PSG9: variants seen among roughly 807,000 people sequenced by gnomAD.
PSG9 encodes pregnancy-specific beta-1-glycoprotein 9.
PSG9 carries 49 observed loss-of-function variants against 41.9 expected under a neutral mutation model. The ratio of observed to expected loss-of-function variants is 1.17; its 90% CI spans 0.93 to 1.48. PSG9 has a LOEUF of 1.48. Among genes scored for constraint, PSG9 ranks in the 40% most tolerant of loss-of-function variants. PSG9 has a pLI of 0.00. For synonymous variants in PSG9, 263 were observed against 196.8 expected (o/e 1.34, Z -2.82); for missense variants, 641 against 520.3 (o/e 1.23, Z -2.26).
At chr19:43,259,488 T>G (rs1290348841) in intron 3 of PSG9, 5 of 295,544 alleles carry the variant, frequency 1.7e-5, no homozygotes, top group Non-Finnish European at 3.0e-5. Flanking sequence ...AATGTGCAAC[T>G]GCTGGGCCCC....
chr19:43,258,491 A>G, intron 4 of PSG9, 35 bp from the exon 5 acceptor site: 1 of 1,529,684 alleles, frequency 6.5e-7, no homozygotes. Context: ...ACGTGATGTC[A>G]TTCGAGGGAA....
intron 2 of PSG9, among the ~76,000 whole-genome samples, chr19:43,266,566 G>T (rs768558723): frequency 1.3e-5 from 2 of 151,926 alleles, no homozygotes; most frequent in Admixed American, 6.6e-5. Context: ...CAGTGATGGG[G>T]GTTAAGATCT....
intron 4 of PSG9, 77 bp downstream of exon 4, chr19:43,258,780 G>C: frequency 6.4e-7 from 1 of 1,552,500 alleles, no homozygotes; most frequent in African/African-American, 1.4e-5. Context: ...GGACCGGAGA[G>C]AGACTGAGAG....
At chr19:43,254,984 G>C (rs2122494696) in intron 5 of PSG9, among the ~76,000 whole-genome samples, 1 of 144,158 alleles carries the variant, frequency 6.9e-6, no homozygotes, top group South Asian at 2.2e-4. Flanking sequence ...CTAGCATCTT[G>C]GGAGGCTGAA....
At chr19:43,267,301 G>T (rs1599841346) in intron 2 of PSG9, among the ~76,000 whole-genome samples, 1 of 152,094 alleles carries the variant, frequency 6.6e-6, no homozygotes. Context: ...GTAAATTCTT[G>T]GTCCCAGTAA....
In PSG9 at chr19:43,257,130, T is replaced by C. The variant is rs1033761912; in HGVS notation, c.1243+1072A>G. 2.0e-5 allele frequency: 3 copies of C among 148,070 alleles called. 1 individual carries two copies. The highest frequency in any genetic ancestry group is 7.8e-5 in the African/African-American group (3 of 38,674). The allele number at this position is 148,070 out of a possible 1,614,324, so 9.2% of individuals were successfully genotyped here. A position where few individuals can be genotyped will look rare whatever the true frequency, so the allele number is the denominator to read the frequency against. ...GATAATTATTATGTAATTCCATTTA[T>C]AAAAGATAGTTAGAATAGCCAGTTA... On this transcript the variant is annotated intron_variant, in intron 5 of 5. Coordinates refer to ENST00000270077, the MANE Select transcript of PSG9 (RefSeq NM_002784.5).
In PSG9 at chr19:43,259,101, G is replaced by C. The variant is rs1476259630; in HGVS notation, c.744C>G (p.Asn248Lys). The change falls in exon 4 of 6, where the codon AAC becomes AAG. Residue 248 changes from asparagine (N) to lysine (K), a missense_variant. Coordinates refer to ENST00000270077, the MANE Select transcript of PSG9 (RefSeq NM_002784.5). ...CATCCTTATTCTCCCTGGGGTTTAA[G>C]TTGTTGATGGTGATGTAGGGGATGG... is the stretch of plus-strand genomic sequence containing the variant. ...KLPIPYITIN[N>K]LNPRENKDVL... The C allele has an allele frequency of 1.3e-6, 2 of 1,590,716 alleles. No homozygotes were observed. Among genetic ancestry groups the C allele is most frequent in the Admixed American group, 1.7e-5 (1 of 58,636 alleles).
intron 3 of PSG9, among the ~76,000 whole-genome samples, chr19:43,261,103 T>A (rs1968690382): frequency 1.3e-5 from 2 of 152,012 alleles, no homozygotes; most frequent in African/African-American, 4.8e-5. Flanking sequence ...TATCCAGGGT[T>A]TTTTATTTTC....
intron 5 of PSG9, among the ~76,000 whole-genome samples, chr19:43,254,061 G>T (rs564585320): frequency 2.1e-5 from 3 of 144,530 alleles, no homozygotes; most frequent in Admixed American, 1.4e-4. Context: ...TCTCCCACAA[G>T]TAGTCAGTAA....
At chr19:43,265,086 G>C (rs1568418681) in intron 2 of PSG9, among the ~76,000 whole-genome samples, 4 of 148,008 alleles carry the variant, frequency 2.7e-5, no homozygotes, top group African/African-American at 1.0e-4. Flanking sequence ...CTCATTCCTG[G>C]ACATAGGTCA....
Position 43,258,876 on chromosome 19 carries a change from T to G in PSG9, c.969A>C (p.Pro323=). 1 of 1,584,312 alleles carries G rather than the reference T, an allele frequency of 6.3e-7. No individual in the cohort carries two copies. Among genetic ancestry groups the G allele is most frequent in the Non-Finnish European group, 8.5e-7 (1 of 1,169,876 alleles). ...RDRYGGLRSN[P]VILNVLYGPD... ...ACTCACAGAGGACATTTAGGATGAC[T>G]GGGTTACTGCGGAGGCCACCATATC... Residue 323 remains proline (P), a synonymous_variant, in exon 4 of 6, where the codon CCA becomes CCC. Coordinates refer to ENST00000270077, the MANE Select transcript of PSG9 (RefSeq NM_002784.5).
At chr19:43,254,446 G>T (rs537634599) in intron 5 of PSG9, among the ~76,000 whole-genome samples, 29 of 146,406 alleles carry the variant, frequency 2.0e-4, no homozygotes, top group Admixed American at 7.5e-4. Context: ...TAAGAAGAAA[G>T]TACTCTCATT....
chr19:43,260,098 C>T lies in PSG9; in HGVS notation c.710-963G>A, dbSNP rs561792593. 6.8e-5 allele frequency: 10 copies of T among 146,200 alleles called. 3 individuals are homozygous for T. In the East Asian group the frequency reaches 2.4e-3, roughly 35 times the overall value. The allele number at this position is 146,200 out of a possible 1,614,324, so 9.1% of individuals were successfully genotyped here. A position where few individuals can be genotyped will look rare whatever the true frequency, so the allele number is the denominator to read the frequency against. Reference sequence around the variant, plus strand: ...TCATTGGACATTCTACTCTCTGATCCCCTGGGTTCGACTACTCTAGGGACC... The same window carrying T: ...TCATTGGACATTCTACTCTCTGATCTCCTGGGTTCGACTACTCTAGGGACC... On this transcript the variant is annotated intron_variant, in intron 3 of 5. Transcript: ENST00000270077.
At chr19:43,261,352 C>T (rs1968700560) in intron 3 of PSG9, among the ~76,000 whole-genome samples, 2 of 152,056 alleles carry the variant, frequency 1.3e-5, no homozygotes, top group Non-Finnish European at 2.9e-5. Flanking sequence ...ATCAATCAGC[C>T]AAGAATGCTC....
At chr19:43,263,194 G>A (rs575541085) in intron 2 of PSG9, among the ~76,000 whole-genome samples, 1 of 152,240 alleles carries the variant, frequency 6.6e-6, no homozygotes, top group East Asian at 1.9e-4. Flanking sequence ...CTGGGATCAG[G>A]GGAATAGGGT....
intron 2 of PSG9, among the ~76,000 whole-genome samples, chr19:43,266,410 A>G (rs1366464701): frequency 6.6e-6 from 1 of 151,714 alleles, no homozygotes; most frequent in East Asian, 1.9e-4. Context: ...CAAGTTCTTC[A>G]TTCATTATGT....
intron 5 of PSG9, chr19:43,257,542 G>A (rs1349017519): frequency 6.1e-6 from 6 of 980,188 alleles, no homozygotes; most frequent in South Asian, 4.7e-5. Context: ...CAGCTCAGGA[G>A]TCTGCCCTGA....
intron 5 of PSG9, chr19:43,257,354 G>A (rs1250211090): frequency 9.4e-6 from 9 of 961,986 alleles, no homozygotes; most frequent in Non-Finnish European, 4.9e-6. Flanking sequence ...TAAAGTGTCT[G>A]GTAGTCTTAC....
At position 43,267,802 on chromosome 19, in the gene PSG9, A is replaced by G; in HGVS notation, c.412T>C (p.Phe138Leu). ...CACTCACAGTATAAGGTGAAGGTGA[A>G]ATGTCGAATTTCTTCTCTAGTCTCA... The part of the protein sequence containing the change: ...GDETREEIRH[F>L]TFTLYLETPK... The change falls in exon 2 of 6, where the codon TTC (phenylalanine) becomes CTC (leucine). Residue 138 changes from phenylalanine to leucine, a missense_variant. Phe to Leu is a conservative substitution (Grantham distance 22). Coordinates refer to ENST00000270077, the MANE Select transcript of PSG9 (RefSeq NM_002784.5). The G allele has an allele frequency of 6.2e-7, 1 of 1,612,988 alleles. No individual in the cohort carries two copies. Among genetic ancestry groups the G allele is most frequent in the African/African-American group, 1.3e-5 (1 of 74,968 alleles).
Sources: gnomAD v4.1 joint callset for allele counts (sites outside exome capture counted in the v4.1 genomes callset) on GRCh38, gnomAD v4.1.1 for gene constraint, MANE v1.5 for transcripts, NCBI Gene and HGNC (gene_info 2026-07-23, HGNC 2026-07-21) for gene names.